ABCC8: variants seen among roughly 807,000 people sequenced by gnomAD.
ABCC8 encodes ATP binding cassette subfamily C member 8.
ABCC8 carries 137 observed loss-of-function variants against 188.0 expected under a neutral mutation model. That is an observed-to-expected ratio of 0.73 (90% CI 0.63 to 0.84). The LOEUF is 0.84. Among genes scored for constraint, ABCC8 ranks in the 40% least tolerant of loss-of-function variants. The probability of loss-of-function intolerance (pLI) is 0.00; values close to 1 mark genes in which losing one functional copy is unlikely to be tolerated. For synonymous variants in ABCC8, 797 were observed against 846.5 expected (o/e 0.94, Z 1.01); for missense variants, 1,750 against 2,072.7 (o/e 0.84, Z 3.02).
rs984712711 is a variant in ABCC8, at chr11:17,474,741, T to G, written c.290+145A>C. ...GCGTCCAGTGCCCAGCTCAGAGAGG[T>G]TGGCACATAGAAGACACTGAGCTGC... On this transcript the variant is annotated intron_variant, in intron 2 of 38. Coordinates refer to ENST00000389817, the MANE Select transcript of ABCC8 (RefSeq NM_000352.6). 4 of 903,552 alleles carry G rather than the reference T, an allele frequency of 4.4e-6. No individual in the cohort carries two copies. In the African/African-American group the frequency reaches 6.6e-5, roughly 15 times the overall value. The allele number at this position is 903,552 out of a possible 1,614,324, so 56.0% of individuals were successfully genotyped here.
In ABCC8 at chr11:17,393,124, C is replaced by T. The variant is rs1564869850; in HGVS notation, c.4613G>A (p.Arg1538Gln). The T allele has an allele frequency of 6.2e-7, 1 of 1,613,060 alleles. No individual in the cohort carries two copies. The highest frequency in any genetic ancestry group is 8.5e-7 in the Non-Finnish European group (1 of 1,179,668). The part of the protein sequence containing the change: ...ADRTVVTIAH[R>Q]VHTILSADLV... ...GTCTGCACTCAGGATGGTGTGCACT[C>T]GATGCTGGGCAGGGCAGGAGGGGGC... Residue 1538 changes from arginine to glutamine, a missense_variant, in exon 39 of 39, where the codon CGA (arginine) becomes CAA (glutamine). By Grantham distance (43) the Arg-to-Gln change is conservative (BLOSUM62 1). Transcript: ENST00000389817.
intron 30 of ABCC8, 132 bp downstream of exon 30, chr11:17,398,207 G>C: frequency 8.2e-7 from 1 of 1,221,150 alleles, no homozygotes; most frequent in Non-Finnish European, 1.2e-6. Context: ...CACCAGGGCT[G>C]GGGGAAGCAG....
At chr11:17,437,401 G>A (rs1956148414) in intron 10 of ABCC8, among the ~76,000 whole-genome samples, 1 of 144,608 alleles carries the variant, frequency 6.9e-6, no homozygotes, top group South Asian at 2.1e-4. Context: ...ACATGTTCCA[G>A]AAGTTACGTG....
rs753937605 is a variant in ABCC8 at position 17,397,017 on chromosome 11, C to T, written c.4018G>A (p.Asp1340Asn). Residue 1340 changes from aspartate (D) to asparagine (N), a missense_variant, in exon 33 of 39, where the codon GAC becomes AAC. Coordinates refer to ENST00000389817, the MANE Select transcript of ABCC8 (RefSeq NM_000352.6). ...TTCTGGATCTGGATCTTCCCTTGGT[C>T]TGGCCAGTTCTTTGGGATCAGCGAT... ...APSLIPKNWP[D>N]QGKIQIQNLS... 6.2e-7 allele frequency: 1 copy of T among 1,614,198 alleles called. No homozygotes were observed. Among genetic ancestry groups the T allele is most frequent in the South Asian group, 1.1e-5 (1 of 91,078 alleles).
intron 16 of ABCC8, among the ~76,000 whole-genome samples, chr11:17,426,615 G>A (rs530012533): frequency 3.0e-4 from 45 of 152,192 alleles, no homozygotes; most frequent in African/African-American, 1.1e-3. Flanking sequence ...TGCAGCTCAG[G>A]ACCAAGCTGG....
At chr11:17,450,317 TC>T (rs1956741982) in intron 7 of ABCC8, among the ~76,000 whole-genome samples, 1 of 125,872 alleles carries the variant, frequency 7.9e-6, no homozygotes, top group Non-Finnish European at 1.7e-5. Flanking sequence ...TTTCTTTCTT[TC>T]TTTCTTTCTC....
chr11:17,463,146 C>G (rs1847927839), intron 4 of ABCC8, among the ~76,000 whole-genome samples: 1 of 152,082 alleles, frequency 6.6e-6, no homozygotes. Flanking sequence ...GTAGGAGAGG[C>G]CAGTGCCTGA....
chr11:17,462,116 A>G (rs931761240), intron 4 of ABCC8, among the ~76,000 whole-genome samples: 2 of 152,146 alleles, frequency 1.3e-5, no homozygotes, highest in Non-Finnish European at 2.9e-5. Flanking sequence ...CTCATATGCT[A>G]TCTTCTCCAC....
In ABCC8 at chr11:17,460,782, G is replaced by A. The variant is rs886289; in HGVS notation, c.823-106C>T. 442,912 of 1,553,446 alleles carry A rather than the reference G, an allele frequency of 0.29. 66,388 individuals carry two copies. Among genetic ancestry groups the A allele is most frequent in the East Asian group, 0.38 (16,044 of 42,350 alleles). The stretch of plus-strand genomic sequence containing the variant: ...CTCCTGTTGTCTGGGGAAACCCAGT[G>A]GTCACATCCTCTGCAAATAGGTGAA... On this transcript the variant is annotated intron_variant, in intron 5 of 38. Transcript: ENST00000389817.
chr11:17,471,069 G>A (rs1848451373), intron 2 of ABCC8, among the ~76,000 whole-genome samples: 1 of 152,238 alleles, frequency 6.6e-6, no homozygotes, highest in African/African-American at 2.4e-5. Flanking sequence ...TGCCCTTTCT[G>A]CTCCAGCCCT....
At chr11:17,410,840 G>T in intron 21 of ABCC8, 187 bp from the exon 22 acceptor site, 2 of 425,382 alleles carry the variant, frequency 4.7e-6, no homozygotes, top group Non-Finnish European at 6.3e-6. Flanking sequence ...AAATGGGGCA[G>T]TTGTCAGATA....
intron 18 of ABCC8, 61 bp from the exon 19 acceptor site, chr11:17,414,671 A>T: frequency 6.2e-7 from 1 of 1,608,244 alleles, no homozygotes; most frequent in Non-Finnish European, 8.5e-7. Flanking sequence ...TTGTTCTCAG[A>T]GGCAGTTGTC....
chr11:17,475,892 T>TG (rs544585563), intron 1 of ABCC8, among the ~76,000 whole-genome samples: 2,175 of 152,154 alleles, frequency 0.014, 20 homozygotes, highest in Admixed American at 0.025. Context: ...TGGAGAGAGA[T>TG]GGGGGGGACC....
intron 14 of ABCC8, 161 bp from the exon 15 acceptor site, chr11:17,428,103 T>A (rs1307381707): frequency 1.9e-6 from 3 of 1,577,026 alleles, no homozygotes; most frequent in Non-Finnish European, 2.6e-6. Context: ...CTTCTCATGC[T>A]GACCCTTGCC....
At position 17,408,569 on chromosome 11, in the gene ABCC8, G is replaced by C. The variant is rs758074730; in HGVS notation, c.2695-52C>G. The C allele has an allele frequency of 3.8e-6, 6 of 1,585,082 alleles. No homozygotes were observed. In the African/African-American group the frequency reaches 6.7e-5, roughly 18 times the overall value. Reference sequence around the variant, plus strand: ...TGGGGGCTGGCTGGGGAGGAATGGTGGTCACATCCCTCAATTGTGGAGTCT... The same window carrying C: ...TGGGGGCTGGCTGGGGAGGAATGGTCGTCACATCCCTCAATTGTGGAGTCT... On this transcript the variant is annotated intron_variant, in intron 22 of 38. Coordinates refer to ENST00000389817, the MANE Select transcript of ABCC8 (RefSeq NM_000352.6).
At chr11:17,412,989 A>G (rs1954889914) in intron 20 of ABCC8, 5 of 768,100 alleles carry the variant, frequency 6.5e-6, no homozygotes, top group Non-Finnish European at 8.1e-6. Flanking sequence ...TGACCAGTAC[A>G]AACAAAGACA....
intron 37 of ABCC8, 75 bp from the exon 38 acceptor site, chr11:17,393,834 G>A (rs555488527): frequency 1.9e-6 from 3 of 1,613,688 alleles, no homozygotes; most frequent in African/African-American, 1.3e-5. Context: ...GGGATGTGGA[G>A]CCCAGGTCTG....
chr11:17,461,492 C>A, intron 5 of ABCC8, 91 bp downstream of exon 5: 1 of 1,546,666 alleles, frequency 6.5e-7, no homozygotes, highest in Non-Finnish European at 8.9e-7. Flanking sequence ...CTTGTCCCAC[C>A]AGGATTTTGA....
intron 33 of ABCC8, chr11:17,396,690 T>C (rs1046137623): frequency 8.5e-6 from 5 of 590,178 alleles, no homozygotes; most frequent in Non-Finnish European, 1.5e-5. Context: ...GTCTCCTTGG[T>C]GGATGAGTGA....
Sources: gnomAD v4.1 joint callset for allele counts (sites outside exome capture counted in the v4.1 genomes callset) on GRCh38, gnomAD v4.1.1 for gene constraint, MANE v1.5 for transcripts, NCBI Gene and HGNC (gene_info 2026-07-23, HGNC 2026-07-21) for gene names.